Variants in DTL observed in about 807,000 individuals in gnomAD.
DTL encodes the protein denticleless protein homolog.
Under a neutral mutation model 87.0 loss-of-function variants are expected in DTL, and 46 were observed. That is an observed-to-expected ratio of 0.53 (90% CI 0.42 to 0.68). DTL has a LOEUF of 0.68. Among genes scored for constraint, DTL ranks in the 30% least tolerant of loss-of-function variants. DTL has a pLI of 0.00. For missense variants in DTL, 737 were observed against 869.4 expected (o/e 0.85, Z 1.91); for synonymous variants, 308 against 311.2 (o/e 0.99, Z 0.11).
intron 13 of DTL, among the ~76,000 whole-genome samples, chr1:212,091,632 T>C (rs371736378): frequency 2.6e-4 from 39 of 152,208 alleles, no homozygotes; most frequent in Middle Eastern, 3.4e-3. Context: ...TTAATGTCAT[T>C]TGCAACAACA....
intron 12 of DTL, chr1:212,080,366 C>A: frequency 3.3e-6 from 1 of 298,614 alleles, no homozygotes; most frequent in Non-Finnish European, 6.2e-6. Context: ...TAAGAAATGA[C>A]CAGTAACAAA....
intron 5 of DTL, among the ~76,000 whole-genome samples, chr1:212,048,653 A>G (rs1330950457): frequency 6.6e-6 from 1 of 151,976 alleles, no homozygotes; most frequent in Non-Finnish European, 1.5e-5. Flanking sequence ...TAAGCTCTTC[A>G]TTTCTGTTTT....
chr1:212,069,822 G>A (rs1423762403), intron 10 of DTL, among the ~76,000 whole-genome samples: 1 of 152,118 alleles, frequency 6.6e-6, no homozygotes, highest in Non-Finnish European at 1.5e-5. Flanking sequence ...GGGATTACAG[G>A]CGTGAGCCAC....
chr1:212,037,267 A>G (rs1474345443), intron 1 of DTL, among the ~76,000 whole-genome samples: 2 of 152,222 alleles, frequency 1.3e-5, no homozygotes, highest in African/African-American at 4.8e-5. Flanking sequence ...TCCTATTCTC[A>G]AGTACTCATT....
chr1:212,050,284 C>T (rs1028004530), intron 5 of DTL, among the ~76,000 whole-genome samples: 1 of 152,072 alleles, frequency 6.6e-6, no homozygotes, highest in Non-Finnish European at 1.5e-5. Context: ...ATCTTTGGTC[C>T]AGTTCCTTCC....
intron 5 of DTL, among the ~76,000 whole-genome samples, chr1:212,048,001 C>T (rs1198562869): frequency 6.6e-6 from 1 of 152,180 alleles, no homozygotes; most frequent in Admixed American, 6.5e-5. Context: ...AGCTACAATA[C>T]CATTGTTCAA....
chr1:212,045,847 T>C (rs1667794318), intron 3 of DTL, among the ~76,000 whole-genome samples: 1 of 152,212 alleles, frequency 6.6e-6, no homozygotes, highest in Admixed American at 6.5e-5. Context: ...GACTAAAGAA[T>C]GCAAAATGTT....
intron 5 of DTL, among the ~76,000 whole-genome samples, chr1:212,060,784 A>G (rs1381723119): frequency 1.3e-5 from 2 of 151,964 alleles, no homozygotes; most frequent in Admixed American, 1.3e-4. Context: ...TAAATGTAAG[A>G]CCTGAAACAA....
rs533682751 is a variant in DTL at position 212,092,826 on chromosome 1, C to A, written c.1262-7426C>A. 1.1e-4 allele frequency among the ~76,000 whole-genome samples: 17 copies of A among 152,142 alleles called. No individual in the cohort carries two copies. The East Asian group carries it at 3.3e-3, about 29-fold the overall frequency. On this transcript the variant is annotated intron_variant, in intron 13 of 14. Coordinates refer to ENST00000366991, the MANE Select transcript of DTL (RefSeq NM_016448.4). The stretch of plus-strand genomic sequence containing the variant: ...TCAAATGGTAGATCTACTTTTAGTT[C>A]TTTACAGAATCTCTGTACTGTTTTC...
rs1041078435 is a variant in DTL at position 212,104,526 on chromosome 1, G to C, written c.*1586G>C. The C allele has an allele frequency of 1.3e-5, 2 of 151,856 alleles. No individual in the cohort carries two copies. Among genetic ancestry groups the C allele is most frequent in the Non-Finnish European group, 2.9e-5 (2 of 67,992 alleles). 9.4% of individuals were successfully genotyped at this position (151,856 alleles called of 1,614,324 possible). On this transcript the variant is annotated 3_prime_UTR_variant, in exon 15 of 15. Transcript: ENST00000366991. ...TGGGCTTTGGGAAGATGTTATTTAT[G>C]ACCAATATCTGCCAGTAACGCTGTT... is the stretch of plus-strand genomic sequence containing the variant.
intron 13 of DTL, among the ~76,000 whole-genome samples, chr1:212,088,521 C>T (rs1655192915): frequency 6.6e-6 from 1 of 152,136 alleles, no homozygotes; most frequent in African/African-American, 2.4e-5. Context: ...ACCTACTTCC[C>T]CTGTGAGAGG....
At chr1:212,091,593 C>T (rs1208268475) in intron 13 of DTL, among the ~76,000 whole-genome samples, 4 of 152,164 alleles carry the variant, frequency 2.6e-5, no homozygotes, top group Non-Finnish European at 1.5e-5. Flanking sequence ...ACACAATGGA[C>T]TACTATTCAG....
Position 212,047,389 on chromosome 1 carries a change from G to A in DTL, c.432G>A (p.Lys144=). 6.2e-7 allele frequency: 1 copy of A among 1,614,214 alleles called. No homozygotes were observed. The highest frequency in any genetic ancestry group is 8.5e-7 in the Non-Finnish European group (1 of 1,180,044). The part of the protein sequence containing the change: ...GTCKGHQCSL[K]SVAFSKFEKA... ...GCAAAGGTCATCAATGCAGCCTCAA[G>A]TCAGTTGCCTTTTCTAAGTTTGAGA... Residue 144 remains lysine, a synonymous_variant, in exon 5 of 15, where the codon AAG becomes AAA. Coordinates refer to ENST00000366991, the MANE Select transcript of DTL (RefSeq NM_016448.4).
intron 13 of DTL, among the ~76,000 whole-genome samples, chr1:212,087,475 G>C (rs577673456): frequency 6.6e-6 from 1 of 151,752 alleles, no homozygotes; most frequent in Admixed American, 6.6e-5. Flanking sequence ...GCGTGAACCC[G>C]GGAGGCGGAG....
intron 10 of DTL, among the ~76,000 whole-genome samples, chr1:212,069,926 G>A (rs868263320): frequency 6.6e-6 from 1 of 152,104 alleles, no homozygotes; most frequent in Admixed American, 6.5e-5. Context: ...TAGTATCGGT[G>A]GCAGCATCAT....
chr1:212,050,660 A>G (rs1364165764), intron 5 of DTL, among the ~76,000 whole-genome samples: 1 of 152,144 alleles, frequency 6.6e-6, no homozygotes, highest in Non-Finnish European at 1.5e-5. Context: ...CCACCATCAC[A>G]TGTATCCCCA....
chr1:212,036,615 T>C (rs1659858108), intron 1 of DTL, among the ~76,000 whole-genome samples: 1 of 152,350 alleles, frequency 6.6e-6, no homozygotes, highest in Non-Finnish European at 1.5e-5. Context: ...ACGTCCAGTT[T>C]TTTCACTTTA....
At chr1:212,065,370 T>A (rs566557107) in intron 7 of DTL, among the ~76,000 whole-genome samples, 1 of 152,294 alleles carries the variant, frequency 6.6e-6, no homozygotes, top group East Asian at 1.9e-4. Context: ...ACAATTTCAA[T>A]ATCTACATTT....
At chr1:212,075,034 G>C (rs1654789903) in intron 11 of DTL, among the ~76,000 whole-genome samples, 1 of 152,052 alleles carries the variant, frequency 6.6e-6, no homozygotes, top group African/African-American at 2.4e-5. Context: ...GAATAGCATC[G>C]AAGTGGTTAT....
Sources: allele counts gnomAD v4.1 joint callset (sites outside exome capture counted in the v4.1 genomes callset), GRCh38; gene constraint gnomAD v4.1.1; transcripts MANE v1.5; gene names NCBI Gene and HGNC (gene_info 2026-07-23, HGNC 2026-07-21).